Variants in ELAPOR2 observed in about 807,000 individuals in gnomAD.
ELAPOR2 encodes endosome-lysosome associated apoptosis and autophagy regulator family member 2.
A neutral mutation model predicts 120.7 loss-of-function variants in ELAPOR2; 89 were observed. The observed-to-expected ratio is 0.74, with a 90% CI of 0.62 to 0.88. ELAPOR2 has a LOEUF of 0.88. Ranked by LOEUF, ELAPOR2 falls within the 40% of genes least tolerant of loss-of-function variation. The probability of loss-of-function intolerance (pLI) is 0.00; values close to 1 mark genes in which losing one functional copy is unlikely to be tolerated. For synonymous variants in ELAPOR2, 444 were observed against 444.9 expected (o/e 1.00, Z 0.03); for missense variants, 1,134 against 1,251.6 (o/e 0.91, Z 1.42).
At chr7:86,975,696 C>G (rs528837885) in intron 1 of ELAPOR2, among the ~76,000 whole-genome samples, 30 of 152,304 alleles carry the variant, frequency 2.0e-4, no homozygotes, top group African/African-American at 7.0e-4. Flanking sequence ...ATAAACTATT[C>G]ACACTGGTGC....
intron 18 of ELAPOR2, among the ~76,000 whole-genome samples, chr7:86,898,559 C>CAAAA (rs11418158): frequency 6.2e-4 from 41 of 66,540 alleles, no homozygotes; most frequent in African/African-American, 1.4e-3. Flanking sequence ...ACACAATGAC[C>CAAAA]AAAAAAAAAA....
chr7:86,945,285 T>G (rs1383749290), intron 3 of ELAPOR2, among the ~76,000 whole-genome samples: 1 of 152,174 alleles, frequency 6.6e-6, no homozygotes, highest in East Asian at 1.9e-4. Context: ...ATTGTTATTT[T>G]TCACCCAAAA....
intron 19 of ELAPOR2, among the ~76,000 whole-genome samples, chr7:86,893,536 C>T (rs536260605): frequency 5.9e-5 from 9 of 151,916 alleles, no homozygotes; most frequent in African/African-American, 1.7e-4. Context: ...GGGTTGCATT[C>T]ACCCATCATG....
intron 1 of ELAPOR2, among the ~76,000 whole-genome samples, chr7:87,041,617 A>T (rs1794789362): frequency 6.6e-6 from 1 of 152,166 alleles, no homozygotes; most frequent in Non-Finnish European, 1.5e-5. Flanking sequence ...GGAAGCACTA[A>T]ATATGAAAAG....
At chr7:86,907,086 T>C (rs1168607118) in intron 18 of ELAPOR2, among the ~76,000 whole-genome samples, 1 of 152,178 alleles carries the variant, frequency 6.6e-6, no homozygotes, top group Non-Finnish European at 1.5e-5. Flanking sequence ...AGATCTTCAC[T>C]ATAGAGGGCT....
intron 21 of ELAPOR2, among the ~76,000 whole-genome samples, chr7:86,889,150 C>G (rs1799831748): frequency 6.6e-6 from 1 of 152,130 alleles, no homozygotes; most frequent in Admixed American, 6.6e-5. Context: ...AGGTCAACAT[C>G]AACTCACTGT....
Position 86,919,243 on chromosome 7 carries a change from T to G in ELAPOR2, c.1467A>C (p.Leu489Phe). 1 of 1,611,922 alleles carries G rather than the reference T, an allele frequency of 6.2e-7. No individual in the cohort carries two copies. Among genetic ancestry groups the G allele is most frequent in the East Asian group, 2.2e-5 (1 of 44,728 alleles). Residue 489 changes from leucine to phenylalanine, a missense_variant, in exon 11 of 22, where the codon TTA (leucine) becomes TTC (phenylalanine). Leu to Phe is a conservative substitution (Grantham distance 22). Around this residue, in one of 3 missense-constraint regions of ELAPOR2, gnomAD observed 831 missense variants for 867.6 expected, o/e 0.96. Transcript: ENST00000450689. ...AGGSDNDYLI[L>F]NLHIPGFKPP... ...ACTTAAATCCTGGGATATGCAAGTT[T>G]AAGATCAGGTAATCATTGTCAGAAC...
chr7:86,965,579 C>T (rs1204073327), intron 1 of ELAPOR2, among the ~76,000 whole-genome samples: 2 of 152,194 alleles, frequency 1.3e-5, no homozygotes, highest in Admixed American at 6.5e-5. Context: ...CCATCAATTA[C>T]GGACTATTAA....
At chr7:86,888,233 C>A (rs1386138155) in intron 21 of ELAPOR2, among the ~76,000 whole-genome samples, 1 of 151,994 alleles carries the variant, frequency 6.6e-6, no homozygotes, top group Non-Finnish European at 1.5e-5. Context: ...CTATAAAATG[C>A]CTTTATCCCT....
In ELAPOR2 at chr7:86,964,780, G is replaced by A. The variant is rs1791843127; in HGVS notation, c.310+124C>T. 4.2e-6 allele frequency: 4 copies of A among 953,398 alleles called. No homozygotes were observed. In the South Asian group the frequency reaches 5.2e-5, roughly 12 times the overall value. 59.1% of individuals were successfully genotyped at this position (953,398 alleles called of 1,614,324 possible). A position where few individuals can be genotyped will look rare whatever the true frequency, so the allele number is the denominator to read the frequency against. On this transcript the variant is annotated intron_variant, in intron 2 of 21. Transcript: ENST00000450689. ...GAGAAAGGCTGCATTTATTCTGCTG[G>A]TTATCAATGCCATATGCTCATTTTT... is the stretch of plus-strand genomic sequence containing the variant.
At chr7:86,935,835 C>T (rs749025032) in intron 8 of ELAPOR2, among the ~76,000 whole-genome samples, 20 of 152,006 alleles carry the variant, frequency 1.3e-4, no homozygotes, top group Non-Finnish European at 7.4e-5. Context: ...AGCCATTCCA[C>T]ATTTTTCATG....
intron 1 of ELAPOR2, among the ~76,000 whole-genome samples, chr7:86,984,927 T>C (rs1469006919): frequency 1.3e-5 from 2 of 152,076 alleles, no homozygotes; most frequent in Non-Finnish European, 2.9e-5. Context: ...ACAAAATTGA[T>C]AGACTGCTAG....
chr7:86,947,673 C>A, intron 3 of ELAPOR2, 54 bp downstream of exon 3: 2 of 1,420,432 alleles, frequency 1.4e-6, no homozygotes, highest in African/African-American at 2.8e-5. Flanking sequence ...AAAAGAGCAA[C>A]TACTTTCTTC....
At chr7:86,935,169 T>C (rs1790510710) in intron 8 of ELAPOR2, among the ~76,000 whole-genome samples, 2 of 152,068 alleles carry the variant, frequency 1.3e-5, no homozygotes, top group African/African-American at 4.8e-5. Flanking sequence ...CAGTGATTTC[T>C]AAATGCTCTT....
chr7:87,021,222 C>A (rs1794031114), intron 1 of ELAPOR2, among the ~76,000 whole-genome samples: 1 of 152,086 alleles, frequency 6.6e-6, no homozygotes, highest in East Asian at 1.9e-4. Flanking sequence ...AATCCATGAT[C>A]TCTGTAGAAA....
In ELAPOR2 at chr7:86,945,454, C is replaced by T. The variant is rs118106844; in HGVS notation, c.507-408G>A. Reference sequence around the variant, plus strand: ...TAAATACGTAGATTAACATATAAAGCTATATTTTTTCACCTTAATTTTTTA... The same window carrying T: ...TAAATACGTAGATTAACATATAAAGTTATATTTTTTCACCTTAATTTTTTA... On this transcript the variant is annotated intron_variant, in intron 3 of 21. Transcript: ENST00000450689. Among the ~76,000 whole-genome samples the T allele has an allele frequency of 5.1e-3, 773 of 152,192 alleles. 4 individuals carry two copies. The highest frequency in any genetic ancestry group is 7.7e-3 in the Non-Finnish European group (522 of 67,998).
At chr7:86,952,236 T>A (rs1241174514) in intron 2 of ELAPOR2, among the ~76,000 whole-genome samples, 1 of 152,182 alleles carries the variant, frequency 6.6e-6, no homozygotes, top group Non-Finnish European at 1.5e-5. Context: ...ATTGAATCCA[T>A]GAATAATGAG....
chr7:86,939,066 T>C (rs1353253558), intron 6 of ELAPOR2, 106 bp from the exon 7 acceptor site: 1 of 1,220,170 alleles, frequency 8.2e-7, no homozygotes, highest in South Asian at 1.4e-5. Flanking sequence ...ATATGAACAG[T>C]AAGGTCAGCC....
rs1233473113 is a variant in ELAPOR2 at position 86,919,096 on chromosome 7, CTTG to C, written c.1490+121_1490+123del. ...AATATAATACATTACCCTGTGACAG[CTTG>C]TTATTTACTAAGTATTTTTGTAATA... is the stretch of plus-strand genomic sequence containing the variant. On this transcript the variant is annotated intron_variant, in intron 11 of 21. Coordinates refer to ENST00000450689, the MANE Select transcript of ELAPOR2 (RefSeq NM_001142749.3). 40 of 609,168 alleles carry C rather than the reference CTTG, an allele frequency of 6.6e-5. No individual in the cohort carries two copies. In the South Asian group the frequency reaches 7.6e-4, roughly 12 times the overall value. 37.7% of individuals were successfully genotyped at this position (609,168 alleles called of 1,614,324 possible).
Sources: allele counts gnomAD v4.1 joint callset (sites outside exome capture counted in the v4.1 genomes callset), GRCh38; gene constraint gnomAD v4.1.1; regional missense constraint gnomAD v4.1.1; transcripts MANE v1.5; gene names NCBI Gene and HGNC (gene_info 2026-07-23, HGNC 2026-07-21).